Variants in SMARCC1 observed in about 807,000 individuals in gnomAD.
SMARCC1 encodes the protein SWI/SNF complex subunit SMARCC1.
Under a neutral mutation model 147.4 loss-of-function variants are expected in SMARCC1, and 43 were observed. The observed-to-expected ratio is 0.29, with a 90% CI of 0.23 to 0.38. The LOEUF is 0.38. Ranked by LOEUF, SMARCC1 falls within the 10% of genes least tolerant of loss-of-function variation. The pLI is 1.00. For synonymous variants in SMARCC1, 495 were observed against 484.4 expected (o/e 1.02, Z -0.29); for missense variants, 1,119 against 1,381.1 (o/e 0.81, Z 3.01).
intron 26 of SMARCC1, among the ~76,000 whole-genome samples, chr3:47,595,736 C>CT (rs1360902827): frequency 0.028 from 3,960 of 140,030 alleles, 157 homozygotes; most frequent in African/African-American, 0.045. Flanking sequence ...GTTTCTTTTT[C>CT]TTTTTCTTTT....
At chr3:47,734,008 T>TATATGTATACAC (rs1228062701) in intron 5 of SMARCC1, among the ~76,000 whole-genome samples, 1 of 152,008 alleles carries the variant, frequency 6.6e-6, no homozygotes, top group Non-Finnish European at 1.5e-5. Flanking sequence ...TATATCTACA[T>TATATGTATACAC]ATATGTATAC....
At chr3:47,674,760 T>A (rs2033548621) in intron 18 of SMARCC1, among the ~76,000 whole-genome samples, 1 of 151,966 alleles carries the variant, frequency 6.6e-6, no homozygotes, top group Non-Finnish European at 1.5e-5. Context: ...GTCTTTCTTG[T>A]TTTGTGAGTT....
chr3:47,591,392 C>T (rs1196627736), intron 26 of SMARCC1, among the ~76,000 whole-genome samples: 4 of 149,632 alleles, frequency 2.7e-5, no homozygotes, highest in Non-Finnish European at 4.4e-5. Context: ...CCATTAAAAG[C>T]CTCATGTATG....
intron 24 of SMARCC1, among the ~76,000 whole-genome samples, chr3:47,625,544 A>G (rs2032796875): frequency 6.6e-6 from 1 of 152,056 alleles, no homozygotes; most frequent in South Asian, 2.1e-4. Flanking sequence ...CTACTTCTAT[A>G]TATATTCTAA....
intron 10 of SMARCC1, among the ~76,000 whole-genome samples, chr3:47,702,266 C>T (rs1456397245): frequency 2.7e-5 from 4 of 145,574 alleles, no homozygotes; most frequent in African/African-American, 1.0e-4. Context: ...TGATTCTTTA[C>T]CTTTAGGGAT....
chr3:47,673,462 T>C (rs1452128490), intron 18 of SMARCC1, among the ~76,000 whole-genome samples: 3 of 98,564 alleles, frequency 3.0e-5, no homozygotes, highest in Non-Finnish European at 6.0e-5. Context: ...CCAATGTGGG[T>C]GGATAACCTA....
chr3:47,586,037 T>C lies in SMARCC1; in HGVS notation c.*2172A>G, dbSNP rs1697102363. The C allele has an allele frequency of 6.6e-6, 1 of 152,412 alleles. No individual in the cohort carries two copies. Among genetic ancestry groups the C allele is most frequent in the Non-Finnish European group, 1.5e-5 (1 of 67,984 alleles). The allele number at this position is 152,412 out of a possible 1,614,324, so 9.4% of individuals were successfully genotyped here. A position where few individuals can be genotyped will look rare whatever the true frequency, so the allele number is the denominator to read the frequency against. ...GAAACATGTTTGTACAAAAACCACA[T>C]ATTATTCCCCCCCCTCACAAAATCA... On this transcript the variant is annotated 3_prime_UTR_variant, in exon 28 of 28. Coordinates refer to ENST00000254480, the MANE Select transcript of SMARCC1 (RefSeq NM_003074.4).
intron 2 of SMARCC1, among the ~76,000 whole-genome samples, chr3:47,762,849 G>A (rs548530552): frequency 2.6e-5 from 4 of 152,226 alleles, no homozygotes; most frequent in Admixed American, 6.5e-5. Context: ...GGCAGATCAC[G>A]AGGTCAGGAG....
At chr3:47,686,303 T>C in intron 13 of SMARCC1, 133 bp from the exon 14 acceptor site, 1 of 706,498 alleles carries the variant, frequency 1.4e-6, no homozygotes. Context: ...GAAAAACAAA[T>C]TTCAAGTAAA....
intron 24 of SMARCC1, among the ~76,000 whole-genome samples, chr3:47,627,626 G>A (rs760011840): frequency 6.6e-5 from 10 of 152,072 alleles, no homozygotes; most frequent in African/African-American, 9.7e-5. Flanking sequence ...CTCGAGGTGC[G>A]GCTATAAAGC....
chr3:47,651,489 T>C (rs1032892501), intron 21 of SMARCC1, among the ~76,000 whole-genome samples: 2 of 152,240 alleles, frequency 1.3e-5, no homozygotes, highest in Non-Finnish European at 2.9e-5. Flanking sequence ...GTTCTTCAAG[T>C]ATGCCAGGTA....
At chr3:47,683,203 C>T (rs1279861080) in intron 14 of SMARCC1, among the ~76,000 whole-genome samples, 1 of 152,018 alleles carries the variant, frequency 6.6e-6, no homozygotes, top group Non-Finnish European at 1.5e-5. Flanking sequence ...CCACCACGCC[C>T]GGCTCATTTT....
chr3:47,662,781 A>T (rs909459126), intron 19 of SMARCC1, among the ~76,000 whole-genome samples, 189 bp from the exon 20 acceptor site: 4 of 151,964 alleles, frequency 2.6e-5, no homozygotes, highest in Non-Finnish European at 5.9e-5. Context: ...TGCATACTGT[A>T]AAGAAAGTAG....
chr3:47,628,342 C>T (rs540625471), intron 24 of SMARCC1, among the ~76,000 whole-genome samples: 1 of 152,128 alleles, frequency 6.6e-6, no homozygotes, highest in Non-Finnish European at 1.5e-5. Context: ...TTCTGTGTCA[C>T]CTCTACAAGT....
chr3:47,701,305 T>C lies in SMARCC1; in HGVS notation c.1138A>G (p.Ile380Val), dbSNP rs139817820. The change falls in exon 11 of 28, where the codon ATA becomes GTA. Residue 380 changes from isoleucine to valine, a missense_variant. Ile to Val is a conservative substitution (Grantham distance 29). Transcript: ENST00000254480. The stretch of plus-strand genomic sequence containing the variant: ...TTTTTGGGAAGTACTACTTCTTCTA[T>C]ATTGGGTACAGGTGTTGGGTCTTCC... The part of the protein sequence containing the change: ...DMEDPTPVPN[I>V]EEVVLPKNVN... The C allele has an allele frequency of 2.5e-6, 4 of 1,613,084 alleles. No homozygotes were observed. Among genetic ancestry groups the C allele is most frequent in the Admixed American group, 3.3e-5 (2 of 59,960 alleles).
chr3:47,772,797 C>T lies in SMARCC1; in HGVS notation c.315+20G>A. 2 of 1,602,214 alleles carry T rather than the reference C, an allele frequency of 1.2e-6. No homozygotes were observed. Among genetic ancestry groups the T allele is most frequent in the Admixed American group, 3.4e-5 (2 of 58,902 alleles). On this transcript the variant is annotated intron_variant, in intron 2 of 27. Transcript: ENST00000254480. ...ACAGCAACTGAGGATGCCCAAATAA[C>T]AGTAAGCTGATGTACTTACAGGGAG...
Position 47,766,588 on chromosome 3 carries a change from A to C in SMARCC1, c.315+6229T>G, listed in dbSNP as rs539134982. On this transcript the variant is annotated intron_variant, in intron 2 of 27. Transcript: ENST00000254480. ...GAGAGACCCTGTCTCAAAAAAAGAA[A>C]AACAGCTCTATCCTATTATTACAAT... Among the ~76,000 whole-genome samples the C allele has an allele frequency of 1.1e-4, 16 of 152,228 alleles. No homozygotes were observed. The South Asian group carries it at 3.1e-3, about 30-fold the overall frequency.
chr3:47,618,968 T>A (rs550634008), intron 25 of SMARCC1, among the ~76,000 whole-genome samples: 1 of 152,306 alleles, frequency 6.6e-6, no homozygotes, highest in East Asian at 1.9e-4. Flanking sequence ...GAATCCCGCA[T>A]ATGCCAACAA....
rs1368644749 is a variant in SMARCC1, at chr3:47,587,156, A to AT, written c.*1052_*1053insA. The AT allele has an allele frequency of 6.6e-6, 1 of 152,634 alleles. No homozygotes were observed. Among genetic ancestry groups the AT allele is most frequent in the Non-Finnish European group, 1.5e-5 (1 of 68,042 alleles). 9.5% of individuals were successfully genotyped at this position (152,634 alleles called of 1,614,324 possible). A position where few individuals can be genotyped will look rare whatever the true frequency, so the allele number is the denominator to read the frequency against. Reference sequence around the variant, plus strand: ...AATTCCACTCCCTGGCTACTGTAACAAGAGGTAGTTTGGGGACTTGTACCC... The same window carrying AT: ...AATTCCACTCCCTGGCTACTGTAACATAGAGGTAGTTTGGGGACTTGTACCC... On this transcript the variant is annotated 3_prime_UTR_variant, in exon 28 of 28. Transcript: ENST00000254480.
Sources: gnomAD v4.1 joint callset for allele counts (sites outside exome capture counted in the v4.1 genomes callset) on GRCh38, gnomAD v4.1.1 for gene constraint, MANE v1.5 for transcripts, NCBI Gene and HGNC (gene_info 2026-07-23, HGNC 2026-07-21) for gene names.